RELN: variants seen among roughly 807,000 people sequenced by gnomAD.
RELN encodes reelin.
Under a neutral mutation model 427.6 loss-of-function variants are expected in RELN, and 108 were observed. The ratio of observed to expected loss-of-function variants is 0.25; its 90% CI spans 0.22 to 0.30. RELN has a LOEUF of 0.30. Among genes scored for constraint, RELN ranks in the 10% least tolerant of loss-of-function variants. The pLI is 1.00. For synonymous variants in RELN, 1,524 were observed against 1,513.4 expected, an observed-to-expected ratio of 1.01 and a Z score of -0.16; for missense variants, 3,715 against 4,302.8, an observed-to-expected ratio of 0.86 and a Z score of 3.82.
chr7:103,502,722 C>T (rs1290214206), intron 52 of RELN, among the ~76,000 whole-genome samples: 1 of 152,178 alleles, frequency 6.6e-6, no homozygotes, highest in East Asian at 1.9e-4. Context: ...TACACCTTTT[C>T]ATCTGGCTCC....
At chr7:103,600,581 C>T (rs1562915263) in intron 24 of RELN, among the ~76,000 whole-genome samples, 1 of 152,178 alleles carries the variant, frequency 6.6e-6, no homozygotes, top group Non-Finnish European at 1.5e-5. Context: ...CTTGCACCAG[C>T]CCCATTTAAG....
chr7:103,801,829 T>C (rs1012164010), intron 3 of RELN, among the ~76,000 whole-genome samples: 2 of 152,172 alleles, frequency 1.3e-5, no homozygotes, highest in African/African-American at 4.8e-5. Context: ...AAAACACTTA[T>C]CCTGGCACAT....
intron 5 of RELN, among the ~76,000 whole-genome samples, chr7:103,751,198 T>C (rs758502186): frequency 5.9e-5 from 9 of 152,234 alleles, no homozygotes; most frequent in African/African-American, 1.7e-4. Flanking sequence ...GACTGTCTTT[T>C]GGAAAAATTA....
At chr7:103,781,518 G>A (rs753585391) in intron 3 of RELN, among the ~76,000 whole-genome samples, 2 of 152,138 alleles carry the variant, frequency 1.3e-5, no homozygotes, top group East Asian at 1.9e-4. Flanking sequence ...TATAGTCATC[G>A]TTTTTGTGGT....
chr7:103,864,174 T>G (rs1794138613), intron 2 of RELN, among the ~76,000 whole-genome samples: 1 of 152,216 alleles, frequency 6.6e-6, no homozygotes, highest in African/African-American at 2.4e-5. Flanking sequence ...ATCTCATAAC[T>G]TAAACACACC....
At chr7:103,674,923 C>A (rs1289714424) in intron 11 of RELN, among the ~76,000 whole-genome samples, 1 of 152,138 alleles carries the variant, frequency 6.6e-6, no homozygotes, top group African/African-American at 2.4e-5. Context: ...AACCCACAGC[C>A]AATATCATAC....
Position 103,629,868 on chromosome 7 carries a change from T to C in RELN, c.2702+72A>G, listed in dbSNP as rs1263209913. 6 of 966,160 alleles carry C rather than the reference T, an allele frequency of 6.2e-6. 1 individual carries two copies. In the Admixed American group the frequency reaches 6.8e-5, roughly 11 times the overall value. The allele number at this position is 966,160 out of a possible 1,614,324, so 59.8% of individuals were successfully genotyped here. ...TGTCAACAAATGACTAAATGCTGAA[T>C]AGACTGGAAGATCATCCTCATGTTC... is the stretch of plus-strand genomic sequence containing the variant. On this transcript the variant is annotated intron_variant, in intron 20 of 64. Coordinates refer to ENST00000428762, the MANE Select transcript of RELN (RefSeq NM_005045.4).
chr7:103,983,678 A>T (rs1797038459), intron 1 of RELN, among the ~76,000 whole-genome samples: 1 of 152,194 alleles, frequency 6.6e-6, no homozygotes, highest in Admixed American at 6.5e-5. Context: ...AAATGAAAAT[A>T]CTTAGATAAG....
At chr7:103,604,507 A>G in intron 22 of RELN, 24 bp from the exon 23 acceptor site, 1 of 1,613,486 alleles carries the variant, frequency 6.2e-7, no homozygotes, top group Non-Finnish European at 8.5e-7. Flanking sequence ...ATAGTATAAC[A>G]AAAACGGTTT....
chr7:103,497,370 C>A (rs1828872231), intron 55 of RELN, among the ~76,000 whole-genome samples: 1 of 152,192 alleles, frequency 6.6e-6, no homozygotes, highest in Non-Finnish European at 1.5e-5. Context: ...AAACAGAATT[C>A]TATTAAAATA....
At chr7:103,939,492 C>T (rs1452186626) in intron 1 of RELN, among the ~76,000 whole-genome samples, 1 of 152,102 alleles carries the variant, frequency 6.6e-6, no homozygotes. Context: ...GCATACCACG[C>T]ACATATGATG....
At chr7:103,495,668 C>T in intron 57 of RELN, 55 bp downstream of exon 57, 1 of 1,531,396 alleles carries the variant, frequency 6.5e-7, no homozygotes, top group South Asian at 1.1e-5. Flanking sequence ...ACCATTCTCC[C>T]TCGAGGCCCC....
At chr7:103,818,896 G>A (rs775569961) in intron 3 of RELN, among the ~76,000 whole-genome samples, 1 of 151,380 alleles carries the variant, frequency 6.6e-6, no homozygotes, top group Non-Finnish European at 1.5e-5. Context: ...CATATTTATT[G>A]GGAAAACATT....
intron 3 of RELN, among the ~76,000 whole-genome samples, chr7:103,800,752 C>G (rs1161703253): frequency 6.6e-6 from 1 of 151,152 alleles, no homozygotes; most frequent in Non-Finnish European, 1.5e-5. Context: ...AAGTGAAGAG[C>G]TTCTGCACAG....
intron 50 of RELN, among the ~76,000 whole-genome samples, chr7:103,511,384 G>A (rs1392671719): frequency 3.9e-5 from 6 of 152,038 alleles, no homozygotes; most frequent in Admixed American, 6.6e-5. Flanking sequence ...ACAGTGTCTC[G>A]TTTATTAGGA....
intron 3 of RELN, among the ~76,000 whole-genome samples, chr7:103,784,430 T>C (rs544825127): frequency 3.9e-5 from 6 of 152,176 alleles, no homozygotes; most frequent in Non-Finnish European, 8.8e-5. Context: ...GGCGTAAGCA[T>C]GTGAAAGCAT....
At chr7:103,712,852 G>T (rs1206981804) in intron 8 of RELN, among the ~76,000 whole-genome samples, 1 of 151,654 alleles carries the variant, frequency 6.6e-6, no homozygotes, top group Non-Finnish European at 1.5e-5. Context: ...TTGGTGTTTA[G>T]TCTCTCAAGT....
At chr7:103,718,964 T>C (rs1019877569) in intron 8 of RELN, among the ~76,000 whole-genome samples, 40 of 152,300 alleles carry the variant, frequency 2.6e-4, no homozygotes, top group African/African-American at 7.9e-4. Context: ...AAAGAACCCC[T>C]AACACAACTA....
chr7:103,750,753 T>C (rs762568452), intron 5 of RELN, among the ~76,000 whole-genome samples: 2 of 152,210 alleles, frequency 1.3e-5, no homozygotes, highest in South Asian at 4.1e-4. Context: ...TTTTTCTCTT[T>C]CAGAACTGCA....
Sources: allele counts gnomAD v4.1 joint callset (sites outside exome capture counted in the v4.1 genomes callset), GRCh38; gene constraint gnomAD v4.1.1; transcripts MANE v1.5; gene names NCBI Gene and HGNC (gene_info 2026-07-23, HGNC 2026-07-21).